WWOX: variants seen among roughly 807,000 people sequenced by gnomAD.
The protein encoded by WWOX is WW domain-containing oxidoreductase.
A neutral mutation model predicts 46.2 loss-of-function variants in WWOX; 69 were observed. That is an observed-to-expected ratio of 1.49 (90% CI 1.23 to 1.82). The LOEUF (loss-of-function observed/expected upper bound fraction) is 1.82, where lower values mean the gene tolerates loss of function less well. Ranked by LOEUF, WWOX falls within the 40% of genes most tolerant of loss-of-function variation. WWOX has a pLI of 0.00. For synonymous variants in WWOX, 359 were observed against 202.6 expected (o/e 1.77, Z -6.56); for missense variants, 919 against 542.6 (o/e 1.69, Z -6.89).
intron 8 of WWOX, among the ~76,000 whole-genome samples, chr16:78,732,023 A>AC (rs1597508591): frequency 6.7e-6 from 1 of 150,100 alleles, no homozygotes; most frequent in African/African-American, 2.5e-5. Flanking sequence ...ATTTAAAAAA[A>AC]CAAACAAACA....
chr16:78,989,704 C>T (rs907047698), intron 8 of WWOX, among the ~76,000 whole-genome samples: 2 of 151,110 alleles, frequency 1.3e-5, no homozygotes, highest in South Asian at 2.1e-4. Context: ...AAGCCAGAAG[C>T]AGAGCAGGAG....
At chr16:78,979,633 T>C (rs911622737) in intron 8 of WWOX, among the ~76,000 whole-genome samples, 15 of 152,120 alleles carry the variant, frequency 9.9e-5, no homozygotes, top group African/African-American at 3.6e-4. Flanking sequence ...CTTGAAAGGA[T>C]CTTGTTACTC....
At chr16:78,663,748 T>C (rs1002130211) in intron 8 of WWOX, among the ~76,000 whole-genome samples, 1 of 151,900 alleles carries the variant, frequency 6.6e-6, no homozygotes, top group African/African-American at 2.4e-5. Flanking sequence ...GTGATGGCTT[T>C]TGAGGAGGTG....
At chr16:78,992,661 G>A (rs1358517065) in intron 8 of WWOX, among the ~76,000 whole-genome samples, 1 of 152,044 alleles carries the variant, frequency 6.6e-6, no homozygotes, top group African/African-American at 2.4e-5. Context: ...TGTGGAAGTT[G>A]GCCCACAGAA....
chr16:79,071,123 C>T (rs1200896637), intron 8 of WWOX, among the ~76,000 whole-genome samples: 3 of 152,178 alleles, frequency 2.0e-5, no homozygotes, highest in South Asian at 2.1e-4. Flanking sequence ...GTGAAGTCTG[C>T]CTGTACATTT....
intron 8 of WWOX, among the ~76,000 whole-genome samples, chr16:79,088,638 T>C (rs2048897437): frequency 6.6e-6 from 1 of 152,234 alleles, no homozygotes; most frequent in Non-Finnish European, 1.5e-5. Context: ...CTTTCCATTT[T>C]TCTCAGATGA....
intron 8 of WWOX, among the ~76,000 whole-genome samples, chr16:78,572,402 C>G (rs1265197023): frequency 6.6e-6 from 1 of 151,956 alleles, no homozygotes; most frequent in Non-Finnish European, 1.5e-5. Context: ...TGATTCCAAC[C>G]CGGGCAACAT....
At chr16:78,789,086 C>G (rs548658606) in intron 8 of WWOX, among the ~76,000 whole-genome samples, 1 of 152,160 alleles carries the variant, frequency 6.6e-6, no homozygotes, top group African/African-American at 2.4e-5. Flanking sequence ...GGTGTTGTAT[C>G]TAAGAATCCA....
At chr16:79,092,045 T>G (rs1024959448) in intron 8 of WWOX, among the ~76,000 whole-genome samples, 12 of 152,104 alleles carry the variant, frequency 7.9e-5, no homozygotes, top group African/African-American at 2.9e-4. Context: ...CCTCCCAAAG[T>G]GCTGGGATTA....
chr16:78,953,971 A>G (rs2046114593), intron 8 of WWOX, among the ~76,000 whole-genome samples: 1 of 152,236 alleles, frequency 6.6e-6, no homozygotes. Flanking sequence ...CCTGTGCAAG[A>G]TGCTGCAGGA....
intron 8 of WWOX, among the ~76,000 whole-genome samples, chr16:78,565,556 G>A (rs1029576358): frequency 2.0e-5 from 3 of 152,120 alleles, no homozygotes; most frequent in Non-Finnish European, 4.4e-5. Flanking sequence ...ATTTCATTGG[G>A]AATACCCAGA....
chr16:79,003,505 A>C (rs1440579537), intron 8 of WWOX, among the ~76,000 whole-genome samples: 4 of 152,228 alleles, frequency 2.6e-5, no homozygotes, highest in Admixed American at 2.0e-4. Flanking sequence ...TTTCTGGGTC[A>C]GGACTCTGGA....
intron 8 of WWOX, among the ~76,000 whole-genome samples, chr16:78,704,639 A>C (rs1165870637): frequency 6.6e-6 from 1 of 152,182 alleles, no homozygotes; most frequent in African/African-American, 2.4e-5. Flanking sequence ...TCTTGGTCTA[A>C]ACTGCAGGAA....
chr16:78,274,777 C>T (rs984367588), intron 5 of WWOX, among the ~76,000 whole-genome samples: 1 of 152,118 alleles, frequency 6.6e-6, no homozygotes, highest in South Asian at 2.1e-4. Context: ...AGACATGGCC[C>T]CATCGTGGTA....
intron 8 of WWOX, among the ~76,000 whole-genome samples, chr16:78,644,761 C>G (rs148542000): frequency 6.6e-6 from 1 of 152,312 alleles, no homozygotes; most frequent in African/African-American, 2.4e-5. Flanking sequence ...CTGTGCCCAG[C>G]CAAACCTCGG....
At chr16:78,801,242 G>C (rs1036714858) in intron 8 of WWOX, among the ~76,000 whole-genome samples, 1 of 152,096 alleles carries the variant, frequency 6.6e-6, no homozygotes, top group Non-Finnish European at 1.5e-5. Flanking sequence ...GGGCATGGTG[G>C]CTCATGCCTG....
chr16:79,051,351 A>G (rs1269325513), intron 8 of WWOX, among the ~76,000 whole-genome samples: 1 of 152,204 alleles, frequency 6.6e-6, no homozygotes, highest in Admixed American at 6.5e-5. Flanking sequence ...TCATTAACAT[A>G]AAATCCAAAA....
At chr16:78,560,078 G>A (rs112807405) in intron 8 of WWOX, among the ~76,000 whole-genome samples, 1 of 152,134 alleles carries the variant, frequency 6.6e-6, no homozygotes, top group South Asian at 2.1e-4. Flanking sequence ...AAATTTACAA[G>A]GCCATTTTTT....
intron 5 of WWOX, among the ~76,000 whole-genome samples, chr16:78,330,189 T>C (rs777704191): frequency 6.6e-5 from 10 of 152,346 alleles, no homozygotes; most frequent in Admixed American, 3.3e-4. Flanking sequence ...CAAGTGTTCA[T>C]TTTTATAATT....
Sources: allele counts gnomAD v4.1 joint callset (sites outside exome capture counted in the v4.1 genomes callset), GRCh38; gene constraint gnomAD v4.1.1; transcripts MANE v1.5; gene names NCBI Gene and HGNC (gene_info 2026-07-23, HGNC 2026-07-21).